NADSYN1: variants seen among roughly 807,000 people sequenced by gnomAD.
NADSYN1 encodes glutamine-dependent NAD(+) synthetase.
NADSYN1 carries 80 observed loss-of-function variants against 99.3 expected under a neutral mutation model. The observed-to-expected ratio is 0.81, with a 90% confidence interval of 0.67 to 0.97. The LOEUF (loss-of-function observed/expected upper bound fraction) is 0.97. Among genes scored for constraint, NADSYN1 ranks in the 50% least tolerant of loss-of-function variants. The pLI is 0.00. For missense variants in NADSYN1, 859 were observed against 948.5 expected, an observed-to-expected ratio of 0.91 and a Z score of 1.24; for synonymous variants, 385 against 372.1, an observed-to-expected ratio of 1.03 and a Z score of -0.40.
chr11:71,461,454 A>G (rs1949549652), intron 3 of NADSYN1, among the ~76,000 whole-genome samples: 1 of 152,070 alleles, frequency 6.6e-6, no homozygotes, highest in Non-Finnish European at 1.5e-5. Flanking sequence ...TTTGAGACAG[A>G]GTCTCACTCT....
At chr11:71,489,890 T>C (rs1039439665) in intron 16 of NADSYN1, among the ~76,000 whole-genome samples, 3 of 152,168 alleles carry the variant, frequency 2.0e-5, no homozygotes, top group Non-Finnish European at 4.4e-5. Flanking sequence ...TGGAAGGGCT[T>C]GGCCTGGCCT....
chr11:71,485,737 G>C, intron 16 of NADSYN1, 89 bp downstream of exon 16: 1 of 983,932 alleles, frequency 1.0e-6, no homozygotes, highest in Non-Finnish European at 1.5e-6. Context: ...ATCATCCTGT[G>C]CCTTTCATGG....
At position 71,487,028 on chromosome 11, in the gene NADSYN1, C is replaced by A. The variant is rs192720034; in HGVS notation, c.1562+1380C>A. On this transcript the variant is annotated intron_variant, in intron 16 of 20. Transcript: ENST00000319023. ...TCACCGTGTTAGCCAGGATGGTCTC[C>A]ATCTCCTGACCTCGTGATCCGCCCA... Among the ~76,000 whole-genome samples, 1,214 of 152,070 alleles carry A rather than the reference C, an allele frequency of 8.0e-3. 22 individuals are homozygous for A. Among genetic ancestry groups the A allele is most frequent in the African/African-American group, 0.028 (1,143 of 41,506 alleles).
intron 9 of NADSYN1, among the ~76,000 whole-genome samples, chr11:71,478,013 G>A (rs1949680587): frequency 6.6e-6 from 1 of 151,980 alleles, no homozygotes; most frequent in Admixed American, 6.5e-5. Context: ...TACTGACACT[G>A]GGGTGTCTTA....
At chr11:71,481,695 C>G (rs148082607) in intron 12 of NADSYN1, 7 of 601,322 alleles carry the variant, frequency 1.2e-5, no homozygotes, top group Non-Finnish European at 2.1e-5. Flanking sequence ...TGCAGTTCGT[C>G]GGTGGAGTCA....
intron 2 of NADSYN1, 69 bp from the exon 3 acceptor site, chr11:71,458,359 C>A: frequency 8.3e-7 from 1 of 1,205,728 alleles, no homozygotes; most frequent in Non-Finnish European, 1.2e-6. Context: ...ACTGGACTGG[C>A]CCACAGGCCC....
chr11:71,472,365 G>A (rs1949632442), intron 5 of NADSYN1, 84 bp from the exon 6 acceptor site: 22 of 1,157,678 alleles, frequency 1.9e-5, no homozygotes, highest in African/African-American at 4.4e-5. Context: ...GGAGGGTTCA[G>A]TTTGAGTTTT....
chr11:71,492,470 G>A (rs776394146), intron 18 of NADSYN1, among the ~76,000 whole-genome samples: 6 of 152,230 alleles, frequency 3.9e-5, no homozygotes, highest in Admixed American at 6.5e-5. Flanking sequence ...AAGGGCTTCA[G>A]TTTCATTCCT....
At chr11:71,462,089 G>A (rs192839162) in intron 3 of NADSYN1, among the ~76,000 whole-genome samples, 3 of 152,080 alleles carry the variant, frequency 2.0e-5, no homozygotes, top group African/African-American at 7.2e-5. Flanking sequence ...TGAATGAACC[G>A]CTTCTCTCAG....
Position 71,466,092 on chromosome 11 carries a change from T to C in NADSYN1, c.407+1950T>C, listed in dbSNP as rs565077646. On this transcript the variant is annotated intron_variant, in intron 5 of 20. Transcript: ENST00000319023. ...TTGGAAAGCTCTTCATGTTTCTGCA[T>C]TTGATTTGGGGCTTATATCTATCTC... Among the ~76,000 whole-genome samples the C allele has an allele frequency of 4.6e-5, 7 of 152,332 alleles. No individual in the cohort carries two copies. The East Asian group carries it at 9.6e-4, about 21-fold the overall frequency.
intron 20 of NADSYN1, chr11:71,499,270 G>A (rs1440195940): frequency 6.6e-6 from 1 of 152,200 alleles, no homozygotes; most frequent in Admixed American, 6.5e-5. Flanking sequence ...ATGTCTCGTC[G>A]GCAGATGAGT....
chr11:71,494,725 T>C (rs192434755), intron 18 of NADSYN1, among the ~76,000 whole-genome samples: 1 of 152,246 alleles, frequency 6.6e-6, no homozygotes, highest in East Asian at 1.9e-4. Context: ...CTGGCTAATT[T>C]TGTATTTTTA....
chr11:71,493,580 TAAAA>T (rs58551920), intron 18 of NADSYN1, among the ~76,000 whole-genome samples: 1 of 150,102 alleles, frequency 6.7e-6, no homozygotes, highest in African/African-American at 2.4e-5. Context: ...AAAAGCAAAA[TAAAA>T]AAAAAATCAT....
chr11:71,500,887 G>A (rs1013690087), intron 20 of NADSYN1, among the ~76,000 whole-genome samples: 1 of 152,184 alleles, frequency 6.6e-6, no homozygotes, highest in African/African-American at 2.4e-5. Context: ...CAAGCCTCGG[G>A]TGATGGGCCC....
At chr11:71,472,591 C>A in intron 6 of NADSYN1, 91 bp downstream of exon 6, 1 of 1,243,228 alleles carries the variant, frequency 8.0e-7, no homozygotes, top group East Asian at 2.3e-5. Context: ...GCTTTGGGAT[C>A]CAGGTAATGG....
chr11:71,483,427 T>C (rs1949722010), intron 14 of NADSYN1, among the ~76,000 whole-genome samples: 1 of 152,138 alleles, frequency 6.6e-6, no homozygotes, highest in Non-Finnish European at 1.5e-5. Flanking sequence ...CTCACCAGGG[T>C]GTGCAGCAGG....
rs1403153317 is a variant in NADSYN1, at chr11:71,477,326, G to A, written c.799-1069G>A. ...ATTGTTTTATGGCTTCACACGGACC[G>A]TGGCTTTCTGCATGGAAGCTTGGTG... is the stretch of plus-strand genomic sequence containing the variant. On this transcript the variant is annotated intron_variant, in intron 9 of 20. Coordinates refer to ENST00000319023, the MANE Select transcript of NADSYN1 (RefSeq NM_018161.5). 2.3e-5 allele frequency: 29 copies of A among 1,288,554 alleles called. No homozygotes were observed. In the East Asian group the frequency reaches 4.5e-4, roughly 20 times the overall value. 79.8% of individuals were successfully genotyped at this position (1,288,554 alleles called of 1,614,324 possible).
rs144796878 is a variant in NADSYN1, at chr11:71,495,276, G to A, written c.1765-2207G>A. On this transcript the variant is annotated intron_variant, in intron 18 of 20. Transcript: ENST00000319023. ...TGATTCCCTTGGTGACTTCCTCCTT[G>A]ATCCATTGATTATTTAGGAGTATGC... 4.1e-4 allele frequency among the ~76,000 whole-genome samples: 62 copies of A among 152,296 alleles called. No individual in the cohort carries two copies. The East Asian group carries it at 0.01, about 26-fold the overall frequency.
At position 71,485,546 on chromosome 11, in the gene NADSYN1, G is replaced by T; in HGVS notation, c.1460G>T (p.Arg487Leu). The part of the protein sequence containing the change: ...ENLALQNVQA[R>L]IRMVLAYLFA... ...TTCCTCTGTTGTGTTTTCCAGGCTC[G>T]AATACGGATGGTCCTCGCCTATCTG... The change falls in exon 16 of 21, where the codon CGA (arginine) becomes CTA (leucine). Residue 487 changes from arginine to leucine, a missense_variant. Physicochemically the swap from Arg to Leu is moderately radical, Grantham distance 102 (BLOSUM62 -2). Coordinates refer to ENST00000319023, the MANE Select transcript of NADSYN1 (RefSeq NM_018161.5). The T allele has an allele frequency of 6.4e-7, 1 of 1,556,556 alleles. No individual in the cohort carries two copies. Among genetic ancestry groups the T allele is most frequent in the Middle Eastern group, 1.7e-4 (1 of 5,962 alleles).
Sources: allele counts gnomAD v4.1 joint callset (sites outside exome capture counted in the v4.1 genomes callset), GRCh38; gene constraint gnomAD v4.1.1; transcripts MANE v1.5; gene names NCBI Gene and HGNC (gene_info 2026-07-23, HGNC 2026-07-21).